Variants in RAPSN observed in about 807,000 individuals in gnomAD.
The protein encoded by RAPSN is 43 kDa receptor-associated protein of the synapse.
Under a neutral mutation model 45.7 loss-of-function variants are expected in RAPSN, and 33 were observed. The observed-to-expected ratio is 0.72, with a 90% CI of 0.55 to 0.97. The LOEUF is 0.97. Among genes scored for constraint, RAPSN ranks in the 50% least tolerant of loss-of-function variants. RAPSN has a pLI of 0.00. For synonymous variants in RAPSN, 244 were observed against 233.6 expected, an observed-to-expected ratio of 1.04 and a Z score of -0.40; for missense variants, 519 against 559.4, an observed-to-expected ratio of 0.93 and a Z score of 0.73.
chr11:47,441,342 G>T, intron 5 of RAPSN, 130 bp from the exon 6 acceptor site: 1 of 1,305,472 alleles, frequency 7.7e-7, no homozygotes, highest in Non-Finnish European at 1.1e-6. Flanking sequence ...GAAGGCAGCA[G>T]GAAGAGACTA....
Position 47,439,914 on chromosome 11 carries a change from T to C in RAPSN, c.967-983A>G, listed in dbSNP as rs575991035. On this transcript the variant is annotated intron_variant, in intron 6 of 7. Coordinates refer to ENST00000298854, the MANE Select transcript of RAPSN (RefSeq NM_005055.5). ...TTTTAGTAGAGACAGAGTTTCACCATGTTGGTCAGGCTGATCTCAGGTGAT... is the reference window on the plus strand; with the variant it reads ...TTTTAGTAGAGACAGAGTTTCACCACGTTGGTCAGGCTGATCTCAGGTGAT... Among the ~76,000 whole-genome samples the C allele has an allele frequency of 7.7e-4, 117 of 152,148 alleles. 1 individual carries two copies. Among genetic ancestry groups the C allele is most frequent in the Non-Finnish European group, 1.0e-3 (70 of 67,990 alleles).
intron 6 of RAPSN, among the ~76,000 whole-genome samples, chr11:47,440,122 G>C (rs1340525954): frequency 6.6e-6 from 1 of 152,188 alleles, no homozygotes; most frequent in African/African-American, 2.4e-5. Flanking sequence ...AGACAAGTTA[G>C]TAGGTGTGGG....
Position 47,448,927 on chromosome 11 carries a change from C to A in RAPSN, c.38G>T (p.Gly13Val). 1 of 1,614,248 alleles carries A rather than the reference C, an allele frequency of 6.2e-7. No individual in the cohort carries two copies. The highest frequency in any genetic ancestry group is 1.1e-5 in the South Asian group (1 of 91,082). ...CTGGTTGGACTGGTACAGCTGGAGC[C>A]CCTTCTCGATCTGCTGCTTGGTCTG... ...QDQTKQQIEKGLQLYQSNQTE... is the reference protein window; with the variant it reads ...QDQTKQQIEKVLQLYQSNQTE... Residue 13 changes from glycine to valine, a missense_variant, in exon 1 of 8, where the codon GGG (glycine) becomes GTG (valine). Gly to Val is a moderately radical substitution (Grantham distance 109). Coordinates refer to ENST00000298854, the MANE Select transcript of RAPSN (RefSeq NM_005055.5).
At chr11:47,444,316 C>T (rs1287783909) in intron 2 of RAPSN, among the ~76,000 whole-genome samples, 1 of 151,856 alleles carries the variant, frequency 6.6e-6, no homozygotes, top group African/African-American at 2.4e-5. Context: ...GTTGGGAGAA[C>T]AGCTTGAGGC....
Position 47,437,984 on chromosome 11 carries a change from G to C in RAPSN, c.1230C>G (p.Gly410=). The C allele has an allele frequency of 6.4e-7, 1 of 1,550,870 alleles. No individual in the cohort carries two copies. The highest frequency in any genetic ancestry group is 8.7e-7 in the Non-Finnish European group (1 of 1,147,002). The change falls in exon 8 of 8, where the codon GGC becomes GGG. Residue 410 remains glycine (G), a synonymous_variant. Transcript: ENST00000298854. ...CGCCTGCTGCCAGGAGTCATACAAAGCCAGGCTTCATGGATGAGCGGCGGC... is the reference window on the plus strand; with the variant it reads ...CGCCTGCTGCCAGGAGTCATACAAACCCAGGCTTCATGGATGAGCGGCGGC... ...PNCRRSSMKP[G]FV
chr11:47,439,056 G>T, intron 6 of RAPSN, 125 bp from the exon 7 acceptor site: 1 of 1,070,540 alleles, frequency 9.3e-7, no homozygotes, highest in Non-Finnish European at 1.3e-6. Flanking sequence ...GCCCTCTCTG[G>T]GACCTTGCTT....
At chr11:47,440,971 T>G (rs117944027) in intron 6 of RAPSN, among the ~76,000 whole-genome samples, 188 bp downstream of exon 6, 5,486 of 152,256 alleles carry the variant, frequency 0.036, 98 homozygotes, top group Middle Eastern at 0.065. Flanking sequence ...GCTATGAAAC[T>G]TCTGCCCTGC....
At chr11:47,446,837 G>A (rs888034251) in intron 2 of RAPSN, among the ~76,000 whole-genome samples, 28 of 152,248 alleles carry the variant, frequency 1.8e-4, no homozygotes, top group Non-Finnish European at 1.0e-4. Flanking sequence ...CCCAGGAGGC[G>A]GAGGTTGCAG....
intron 2 of RAPSN, among the ~76,000 whole-genome samples, chr11:47,444,950 G>A (rs1489345561): frequency 1.3e-5 from 2 of 151,606 alleles, no homozygotes; most frequent in Admixed American, 6.6e-5. Flanking sequence ...TTGGCCGGGC[G>A]CAGTGGCTTA....
Position 47,448,834 on chromosome 11 carries a change from CG to C in RAPSN, c.130del (p.Arg44AlafsTer20). 6.2e-7 allele frequency: 1 copy of C among 1,613,966 alleles called. No homozygotes were observed. Among genetic ancestry groups the C allele is most frequent in the Non-Finnish European group, 8.5e-7 (1 of 1,180,046 alleles). ...GGCTGTGACCAGGCAGCCCAGCACG[CG>C]GAAGCGCCCCATGAGGTCCGAGCTC... Reference protein sequence around the residue: ...EKSSDLMGRFRVLGCLVTAHS... With the variant: ...EKSSDLMGRFXVLGCLVTAHS... On this transcript the variant is annotated frameshift_variant, in exon 1 of 8. Coordinates refer to ENST00000298854, the MANE Select transcript of RAPSN (RefSeq NM_005055.5). LOFTEE classifies it high-confidence loss of function.
intron 3 of RAPSN, 77 bp downstream of exon 3, chr11:47,442,579 A>G: frequency 6.6e-7 from 1 of 1,523,950 alleles, no homozygotes. Context: ...TGGAAGAAGG[A>G]AGCCCTGCTG....
In RAPSN at chr11:47,448,132, C is replaced by G. The variant is rs150051760; in HGVS notation, c.211G>C (p.Asp71His). Residue 71 changes from aspartate to histidine, a missense_variant, in exon 2 of 8, where the codon GAC becomes CAC. Physicochemically the swap from Asp to His is moderately conservative, Grantham distance 81 (BLOSUM62 -1). Transcript: ENST00000298854. ...EMLKFAVVQI[D>H]TARELEDADF... The stretch of plus-strand genomic sequence containing the variant: ...GCATCCTCCAGCTCCCGGGCCGTGT[C>G]GATCTGGACCACAGCGAACTGCACA... 6.2e-7 allele frequency: 1 copy of G among 1,612,304 alleles called. No homozygotes were observed. The highest frequency in any genetic ancestry group is 1.1e-5 in the South Asian group (1 of 91,054).
At chr11:47,445,011 C>T (rs577838221) in intron 2 of RAPSN, among the ~76,000 whole-genome samples, 10 of 152,020 alleles carry the variant, frequency 6.6e-5, no homozygotes, top group African/African-American at 2.4e-4. Context: ...ACTACAAGGT[C>T]AAGAGATCCA....
Position 47,447,905 on chromosome 11 carries a change from G to A in RAPSN, c.438C>T (p.Phe146=), listed in dbSNP as rs1459059463. The A allele has an allele frequency of 3.7e-6, 6 of 1,613,066 alleles. No homozygotes were observed. The highest frequency in any genetic ancestry group is 1.6e-4 in the Middle Eastern group (1 of 6,080). Residue 146 remains phenylalanine (F), a synonymous_variant, in exon 2 of 8, where the codon TTC becomes TTT. Coordinates refer to ENST00000298854, the MANE Select transcript of RAPSN (RefSeq NM_005055.5). ...LSVFQKALES[F]EKALRYAHNN... is the part of the protein sequence containing the mutation. The stretch of plus-strand genomic sequence containing the variant: ...TGTGGGCATAGCGCAGGGCCTTCTC[G>A]AAGCTCTCCAGGGCCTTCTGGAAGA...
At chr11:47,448,557 A>C (rs941359720) in intron 1 of RAPSN, among the ~76,000 whole-genome samples, 1 of 152,090 alleles carries the variant, frequency 6.6e-6, no homozygotes, top group Non-Finnish European at 1.5e-5. Flanking sequence ...AGTCTCAGAG[A>C]CTCGGGCACC....
Position 47,438,781 on chromosome 11 carries a change from T to A in RAPSN, c.1117A>T (p.Lys373Ter). Residue 373 changes from lysine to a stop codon, truncating the protein, a stop_gained, in exon 7 of 8, where the codon AAG becomes TAG. Coordinates refer to ENST00000298854, the MANE Select transcript of RAPSN (RefSeq NM_005055.5). LOFTEE classifies it high-confidence loss of function. ...GGTAGGGCCTGCAGCCGGCTGTTCTTCTCGCCTATGGACTCGCCGCACAGG... is the reference window on the plus strand; with the variant it reads ...GGTAGGGCCTGCAGCCGGCTGTTCTACTCGCCTATGGACTCGCCGCACAGG... ...CGLCGESIGEKNSRLQALPCS... is the reference protein window; with the variant it reads ...CGLCGESIGE The A allele has an allele frequency of 6.4e-7, 1 of 1,568,454 alleles. No homozygotes were observed. The highest frequency in any genetic ancestry group is 1.2e-5 in the South Asian group (1 of 85,732).
At chr11:47,447,553 G>A (rs188142236) in intron 2 of RAPSN, among the ~76,000 whole-genome samples, 4 of 152,284 alleles carry the variant, frequency 2.6e-5, no homozygotes, top group East Asian at 3.9e-4. Flanking sequence ...AGTGCAGGCC[G>A]CTGGCCTGTC....
chr11:47,440,050 G>C (rs2153307573), intron 6 of RAPSN, among the ~76,000 whole-genome samples: 1 of 152,220 alleles, frequency 6.6e-6, no homozygotes, highest in African/African-American at 2.4e-5. Context: ...CAGAATATGG[G>C]CTGCCAAAGC....
chr11:47,441,910 C>T lies in RAPSN; in HGVS notation c.702G>A (p.Lys234=). 1 of 1,562,822 alleles carries T rather than the reference C, an allele frequency of 6.4e-7. No individual in the cohort carries two copies. Among genetic ancestry groups the T allele is most frequent in the African/African-American group, 1.4e-5 (1 of 72,168 alleles). The change falls in exon 4 of 8, where the codon AAG becomes AAA. Residue 234 remains lysine, a synonymous_variant. Coordinates refer to ENST00000298854, the MANE Select transcript of RAPSN (RefSeq NM_005055.5). ...GCCGGTCCCCGTGCTGCAGCGCGAT[C>T]TTCATAGACTCCTGCGAGGGAGGCC... ...SAMECCEESM[K]IALQHGDRPL...
Sources: gnomAD v4.1 joint callset for allele counts (sites outside exome capture counted in the v4.1 genomes callset) on GRCh38, gnomAD v4.1.1 for gene constraint, MANE v1.5 for transcripts, NCBI Gene and HGNC (gene_info 2026-07-23, HGNC 2026-07-21) for gene names.